Variants in RORB observed in about 807,000 individuals in gnomAD.
RORB encodes RAR related orphan receptor B, also known as nuclear receptor ROR-beta.
Under a neutral mutation model 59.1 loss-of-function variants are expected in RORB, and 6 were observed. The observed-to-expected ratio is 0.10, with a 90% confidence interval of 0.06 to 0.20. The LOEUF (loss-of-function observed/expected upper bound fraction) is 0.20. RORB is among the 10% of genes least tolerant of loss of function. The probability of loss-of-function intolerance (pLI) is 1.00; values close to 1 mark genes in which losing one functional copy is unlikely to be tolerated. For missense variants in RORB, 320 were observed against 560.5 expected (o/e 0.57, Z 4.33); for synonymous variants, 215 against 204.5 (o/e 1.05, Z -0.44).
intron 1 of RORB, among the ~76,000 whole-genome samples, chr9:74,503,886 A>G (rs1444122940): frequency 6.6e-6 from 1 of 152,016 alleles, no homozygotes; most frequent in Non-Finnish European, 1.5e-5. Context: ...TCAACCCCTG[A>G]CCCCATCCAT....
At chr9:74,507,353 A>G (rs768666299) in intron 1 of RORB, among the ~76,000 whole-genome samples, 1 of 152,118 alleles carries the variant, frequency 6.6e-6, no homozygotes, top group Non-Finnish European at 1.5e-5. Flanking sequence ...AATAGGATCA[A>G]AATGTGTTGT....
chr9:74,594,708 T>C (rs1822946888), intron 1 of RORB, among the ~76,000 whole-genome samples: 1 of 152,170 alleles, frequency 6.6e-6, no homozygotes, highest in South Asian at 2.1e-4. Context: ...GGCTGCAGTC[T>C]ATAAAGTTTT....
chr9:74,647,933 A>T (rs757836009), intron 4 of RORB, among the ~76,000 whole-genome samples: 2 of 152,212 alleles, frequency 1.3e-5, no homozygotes, highest in African/African-American at 4.8e-5. Context: ...GCTTTTAAGG[A>T]TAAATATTTT....
chr9:74,549,043 C>G (rs1264360776), intron 1 of RORB, among the ~76,000 whole-genome samples: 1 of 152,078 alleles, frequency 6.6e-6, no homozygotes, highest in Non-Finnish European at 1.5e-5. Flanking sequence ...CATGAAAATG[C>G]GATATTGCAT....
chr9:74,605,148 C>T (rs1449753523), intron 1 of RORB, among the ~76,000 whole-genome samples: 3 of 152,104 alleles, frequency 2.0e-5, no homozygotes, highest in Non-Finnish European at 4.4e-5. Context: ...CCCGAAATAA[C>T]ATTCAACATT....
intron 1 of RORB, among the ~76,000 whole-genome samples, chr9:74,573,211 A>G (rs1822579327): frequency 6.6e-6 from 1 of 152,150 alleles, no homozygotes. Context: ...TGGACATTTA[A>G]TTAACTGGCA....
At chr9:74,540,813 C>A (rs950530769) in intron 1 of RORB, among the ~76,000 whole-genome samples, 1 of 152,140 alleles carries the variant, frequency 6.6e-6, no homozygotes, top group African/African-American at 2.4e-5. Context: ...GCAGGTAAAT[C>A]TATCGGACAA....
At chr9:74,679,488 A>T (rs892399232) in intron 9 of RORB, among the ~76,000 whole-genome samples, 5 of 152,184 alleles carry the variant, frequency 3.3e-5, no homozygotes, top group Non-Finnish European at 7.3e-5. Flanking sequence ...ACAGTTCAAC[A>T]GATCCCCCAA....
intron 1 of RORB, among the ~76,000 whole-genome samples, chr9:74,599,071 G>A (rs561059159): frequency 5.9e-5 from 9 of 152,144 alleles, no homozygotes; most frequent in South Asian, 2.1e-4. Context: ...AACACCTCCC[G>A]CTAGACCACA....
intron 1 of RORB, among the ~76,000 whole-genome samples, chr9:74,589,857 C>A (rs182469896): frequency 6.6e-6 from 1 of 152,208 alleles, no homozygotes; most frequent in African/African-American, 2.4e-5. Context: ...TATACATGCC[C>A]TACTCTTTGC....
intron 9 of RORB, among the ~76,000 whole-genome samples, chr9:74,676,760 C>T (rs1449674433): frequency 6.6e-5 from 10 of 152,230 alleles, no homozygotes; most frequent in African/African-American, 2.4e-4. Context: ...CCGTCCCCCG[C>T]GGGGCTCTCT....
intron 3 of RORB, among the ~76,000 whole-genome samples, chr9:74,641,929 AT>A (rs1486101590): frequency 1.1e-4 from 17 of 152,130 alleles, no homozygotes; most frequent in Non-Finnish European, 2.1e-4. Flanking sequence ...ATTATAAAAA[AT>A]AAAAAGAAAT....
chr9:74,602,381 T>C (rs1488825308), intron 1 of RORB, among the ~76,000 whole-genome samples: 2 of 152,208 alleles, frequency 1.3e-5, no homozygotes, highest in East Asian at 1.9e-4. Flanking sequence ...ATGTTAAAGA[T>C]GCATGCATGA....
At chr9:74,585,853 G>A (rs577086913) in intron 1 of RORB, among the ~76,000 whole-genome samples, 2 of 147,626 alleles carry the variant, frequency 1.4e-5, no homozygotes, top group South Asian at 4.4e-4. Context: ...GGAGTGCAGT[G>A]GAGCGATCTC....
rs571789354 is a variant in RORB at position 74,671,421 on chromosome 9, A to G, written c.1112-368A>G. On this transcript the variant is annotated intron_variant, in intron 8 of 9. Coordinates refer to ENST00000376896, the MANE Select transcript of RORB (RefSeq NM_006914.4). ...CCTGAACACCAAAAATATTCCTGTG[A>G]TTTTCTTCACTTCTATAATTCTTCT... Among the ~76,000 whole-genome samples, 7 of 152,292 alleles carry G rather than the reference A, an allele frequency of 4.6e-5. 1 individual carries two copies. In the South Asian group the frequency reaches 1.5e-3, roughly 32 times the overall value.
intron 1 of RORB, among the ~76,000 whole-genome samples, chr9:74,623,080 T>C (rs1823450964): frequency 2.6e-5 from 4 of 152,182 alleles, no homozygotes; most frequent in South Asian, 4.1e-4. Context: ...CCAAAATGAG[T>C]TCATTGCTGG....
chr9:74,522,388 T>C (rs2118072949), intron 1 of RORB, among the ~76,000 whole-genome samples: 1 of 151,832 alleles, frequency 6.6e-6, no homozygotes, highest in East Asian at 1.9e-4. Context: ...ATTAGAAAAA[T>C]AGAAGGTAGA....
intron 9 of RORB, among the ~76,000 whole-genome samples, chr9:74,679,604 G>A (rs1824509593): frequency 6.6e-6 from 1 of 152,108 alleles, no homozygotes; most frequent in African/African-American, 2.4e-5. Context: ...CCAGGTGCAA[G>A]GAGACAATTG....
At chr9:74,630,108 G>C (rs1340066761) in intron 1 of RORB, 174 bp from the exon 2 acceptor site, 1 of 368,710 alleles carries the variant, frequency 2.7e-6, no homozygotes, top group Admixed American at 6.5e-5. Flanking sequence ...CTTTGACTTA[G>C]AAGAAGCTTA....
Sources: gnomAD v4.1 joint callset for allele counts (sites outside exome capture counted in the v4.1 genomes callset) on GRCh38, gnomAD v4.1.1 for gene constraint, MANE v1.5 for transcripts, NCBI Gene and HGNC (gene_info 2026-07-23, HGNC 2026-07-21) for gene names.